GRIP1: variants seen among roughly 807,000 people sequenced by gnomAD.
GRIP1 encodes the protein glutamate receptor-interacting protein 1.
In GRIP1, 45 loss-of-function variants were observed where a neutral mutation model predicts 129.9. That is an observed-to-expected ratio of 0.35 (90% confidence interval 0.27 to 0.44). The LOEUF (loss-of-function observed/expected upper bound fraction) is 0.44, where lower values mean the gene tolerates loss of function less well. GRIP1 is among the 20% of genes least tolerant of loss of function. The pLI is 1.00. For synonymous variants in GRIP1, 530 were observed against 520.8 expected (o/e 1.02, Z -0.24); for missense variants, 1,196 against 1,396.8 (o/e 0.86, Z 2.29).
intron 19 of GRIP1, among the ~76,000 whole-genome samples, chr12:66,391,735 C>T (rs2056596144): frequency 6.6e-6 from 1 of 152,098 alleles, no homozygotes; most frequent in African/African-American, 2.4e-5. Flanking sequence ...CACATAGTCT[C>T]AGCTACTGAG....
intron 1 of GRIP1, chr12:66,891,955 C>T (rs2040666740): frequency 6.6e-6 from 1 of 152,264 alleles, no homozygotes; most frequent in African/African-American, 2.4e-5. Flanking sequence ...AATCTTCTTC[C>T]TAATGGATGG....
intron 1 of GRIP1, among the ~76,000 whole-genome samples, chr12:66,668,827 TG>T (rs2033928928): frequency 6.6e-6 from 1 of 151,372 alleles, no homozygotes. Context: ...ACTTGGGGGT[TG>T]GGGGAGTGGC....
intron 1 of GRIP1, among the ~76,000 whole-genome samples, chr12:66,857,023 C>T (rs1014934375): frequency 3.3e-5 from 5 of 152,092 alleles, no homozygotes; most frequent in Non-Finnish European, 5.9e-5. Flanking sequence ...CACATATACA[C>T]CATGGAATAC....
intron 2 of GRIP1, among the ~76,000 whole-genome samples, chr12:66,545,764 C>T (rs2061929568): frequency 6.6e-6 from 1 of 152,114 alleles, no homozygotes; most frequent in African/African-American, 2.4e-5. Context: ...CAGAAAAAAG[C>T]ATTGATTTTC....
chr12:66,715,083 C>T (rs950031743), intron 1 of GRIP1, among the ~76,000 whole-genome samples: 6 of 152,046 alleles, frequency 3.9e-5, no homozygotes, highest in African/African-American at 1.4e-4. Flanking sequence ...TTCATGTCTG[C>T]TTTGTCTCTT....
At chr12:66,913,991 T>C (rs989527822) in intron 1 of GRIP1, among the ~76,000 whole-genome samples, 20 of 152,194 alleles carry the variant, frequency 1.3e-4, no homozygotes, top group Non-Finnish European at 2.1e-4. Context: ...TGTAATAGTA[T>C]ACTCTTGTTA....
At chr12:66,686,471 G>A (rs190129906) in intron 1 of GRIP1, among the ~76,000 whole-genome samples, 84 of 152,268 alleles carry the variant, frequency 5.5e-4, no homozygotes, top group Middle Eastern at 3.4e-3. Flanking sequence ...TAATTCATGC[G>A]TCTGTTTTTG....
At chr12:66,785,371 G>T (rs1054865568) in intron 1 of GRIP1, among the ~76,000 whole-genome samples, 2 of 48,044 alleles carry the variant, frequency 4.2e-5, no homozygotes, top group Non-Finnish European at 1.1e-4. Context: ...TATTAGTTGG[G>T]CATGGTAGCA....
intron 1 of GRIP1, among the ~76,000 whole-genome samples, chr12:67,063,485 T>C (rs928301995): frequency 6.6e-6 from 1 of 152,186 alleles, no homozygotes; most frequent in Non-Finnish European, 1.5e-5. Flanking sequence ...ATATTTATAT[T>C]TAAGAATCTT....
upstream of GRIP1, chr12:66,679,176 G>C (rs2034479713): frequency 7.4e-7 from 1 of 1,348,212 alleles, no homozygotes; most frequent in African/African-American, 1.5e-5. Context: ...CGTTTCGATA[G>C]CAACAAAGCA....
chr12:67,005,017 T>A (rs1045651161), intron 1 of GRIP1, among the ~76,000 whole-genome samples: 3 of 63,360 alleles, frequency 4.7e-5, no homozygotes, highest in Non-Finnish European at 9.1e-5. Context: ...TTTGTTGCAT[T>A]AACTTTAAAA....
intron 1 of GRIP1, among the ~76,000 whole-genome samples, chr12:67,062,647 C>A (rs557075591): frequency 6.6e-6 from 1 of 152,134 alleles, no homozygotes; most frequent in African/African-American, 2.4e-5. Flanking sequence ...CATGACTCTA[C>A]AACTATACTT....
intron 24 of GRIP1, among the ~76,000 whole-genome samples, chr12:66,352,433 C>T (rs1385586583): frequency 6.6e-6 from 1 of 152,122 alleles, no homozygotes; most frequent in Non-Finnish European, 1.5e-5. Flanking sequence ...CCAGCTGAAG[C>T]TAGAGAGTAT....
intron 7 of GRIP1, among the ~76,000 whole-genome samples, chr12:66,483,952 C>T (rs927532683): frequency 2.6e-5 from 4 of 151,510 alleles, no homozygotes; most frequent in Non-Finnish European, 4.4e-5. Context: ...CTCCGCCTCC[C>T]GGGTTCACGC....
chr12:66,791,871 C>T (rs901218238), intron 1 of GRIP1, among the ~76,000 whole-genome samples: 2 of 152,104 alleles, frequency 1.3e-5, no homozygotes, highest in Non-Finnish European at 2.9e-5. Context: ...CATTGTACCA[C>T]TCCGTATGTC....
At chr12:66,868,595 T>C (rs2040243891) in intron 1 of GRIP1, among the ~76,000 whole-genome samples, 1 of 151,666 alleles carries the variant, frequency 6.6e-6, no homozygotes, top group Admixed American at 6.6e-5. Context: ...AACAGAAAAA[T>C]CTACAAAATA....
chr12:66,639,819 C>T (rs2031761008), intron 1 of GRIP1, among the ~76,000 whole-genome samples: 1 of 152,184 alleles, frequency 6.6e-6, no homozygotes, highest in Non-Finnish European at 1.5e-5. Context: ...ACTATTCTTT[C>T]ATGACACATA....
chr12:66,980,908 T>C (rs923841107), intron 1 of GRIP1, among the ~76,000 whole-genome samples: 6 of 152,224 alleles, frequency 3.9e-5, no homozygotes, highest in South Asian at 2.1e-4. Context: ...TTGTTCTCCA[T>C]TTCCGTGTTT....
intron 1 of GRIP1, among the ~76,000 whole-genome samples, chr12:66,875,002 C>A (rs1450230797): frequency 6.6e-6 from 1 of 152,004 alleles, no homozygotes; most frequent in Non-Finnish European, 1.5e-5. Context: ...TCAAACCCAT[C>A]AGAATTGGTA....
Sources: gnomAD v4.1 joint callset for allele counts (sites outside exome capture counted in the v4.1 genomes callset) on GRCh38, gnomAD v4.1.1 for gene constraint, MANE v1.5 for transcripts, NCBI Gene and HGNC (gene_info 2026-07-23, HGNC 2026-07-21) for gene names.